The following CTNNA2 variants were observed in gnomAD, a reference collection of about 807,000 sequenced individuals.
CTNNA2 encodes the protein catenin alpha-2.
A neutral mutation model predicts 101.0 loss-of-function variants in CTNNA2; 42 were observed. The ratio of observed to expected loss-of-function variants is 0.42; its 90% CI spans 0.32 to 0.54. The LOEUF is 0.54. Among genes scored for constraint, CTNNA2 ranks in the 20% least tolerant of loss-of-function variants. The pLI, the probability that CTNNA2 is intolerant of heterozygous loss-of-function variation, is 0.14. For missense variants in CTNNA2, 871 were observed against 1,223.1 expected (o/e 0.71, Z 4.29); for synonymous variants, 450 against 456.4 (o/e 0.99, Z 0.18).
chr2:80,371,702 G>T (rs1675458912), intron 7 of CTNNA2, among the ~76,000 whole-genome samples: 1 of 152,098 alleles, frequency 6.6e-6, no homozygotes, highest in Non-Finnish European at 1.5e-5. Context: ...CAGTGAGAAT[G>T]CCACGTGAAA....
At position 79,324,963 on chromosome 2, in the gene CTNNA2, T is replaced by C. The variant is rs1419614992; in HGVS notation, c.-318+12167T>C. On this transcript the variant is annotated intron_variant, in intron 3 of 21. Transcript: ENST00000466387. The stretch of plus-strand genomic sequence containing the variant: ...CAGGTTCGGCAGAGTATGGTATTGC[T>C]GATAAAACGGAGCTACATAAATCCA... Among the ~76,000 whole-genome samples the C allele has an allele frequency of 2.6e-5, 4 of 152,294 alleles. No individual in the cohort carries two copies. In the East Asian group the frequency reaches 7.7e-4, roughly 29 times the overall value.
At chr2:80,578,723 C>T (rs1022588934) in intron 13 of CTNNA2, among the ~76,000 whole-genome samples, 9 of 152,140 alleles carry the variant, frequency 5.9e-5, no homozygotes, top group African/African-American at 2.2e-4. Context: ...TGCCCGCCTC[C>T]ATCACTTGCT....
Position 79,810,510 on chromosome 2 carries a change from CCTTTT to C in CTNNA2, c.299-47487_299-47483del, listed in dbSNP as rs775210947. ...CTTTTGCCATTGAATTGCCTTTTCA[CCTTTT>C]CTTTTCTTTTCTTTTTTTTTTTTTG... On this transcript the variant is annotated intron_variant, in intron 3 of 18. Coordinates refer to ENST00000402739, the MANE Select transcript of CTNNA2 (RefSeq NM_001282597.3). Among the ~76,000 whole-genome samples the C allele has an allele frequency of 4.3e-4, 63 of 148,184 alleles. 1 individual carries two copies. In the South Asian group the frequency reaches 8.3e-3, roughly 19 times the overall value.
chr2:80,482,776 A>G (rs748087800), intron 9 of CTNNA2, among the ~76,000 whole-genome samples: 5 of 152,170 alleles, frequency 3.3e-5, no homozygotes, highest in South Asian at 4.1e-4. Flanking sequence ...ATGCAATCTG[A>G]TATCTGAAAA....
In CTNNA2 at chr2:79,186,909, G is replaced by A. The variant is rs141718725; in HGVS notation, c.-524+1478G>A. Among the ~76,000 whole-genome samples the A allele has an allele frequency of 2.4e-4, 36 of 152,276 alleles. 1 individual carries two copies. In the East Asian group the frequency reaches 6.4e-3, roughly 27 times the overall value. On this transcript the variant is annotated intron_variant, in intron 1 of 21. Transcript: ENST00000466387. Reference sequence around the variant, plus strand: ...AAGGAAGCTACTTTATGGGAACAAAGTTCTAGGCTGAAAATTCAGTAAGTG... The same window carrying A: ...AAGGAAGCTACTTTATGGGAACAAAATTCTAGGCTGAAAATTCAGTAAGTG...
chr2:79,828,967 A>G (rs1678658130), intron 3 of CTNNA2, among the ~76,000 whole-genome samples: 1 of 152,176 alleles, frequency 6.6e-6, no homozygotes, highest in Non-Finnish European at 1.5e-5. Flanking sequence ...AAGAACTGTC[A>G]GAAACCTCAA....
At chr2:79,326,076 C>A (rs1034976306) in intron 3 of CTNNA2, among the ~76,000 whole-genome samples, 1 of 152,104 alleles carries the variant, frequency 6.6e-6, no homozygotes, top group East Asian at 1.9e-4. Context: ...TTGGTTACAT[C>A]AGCATTTATT....
At chr2:80,428,659 C>G (rs540889462) in intron 9 of CTNNA2, among the ~76,000 whole-genome samples, 91 of 152,264 alleles carry the variant, frequency 6.0e-4, no homozygotes, top group Non-Finnish European at 1.1e-3. Flanking sequence ...TCCTAAAACC[C>G]CTACACAAAT....
intron 7 of CTNNA2, among the ~76,000 whole-genome samples, chr2:79,965,181 C>A (rs1329920761): frequency 6.6e-6 from 1 of 152,114 alleles, no homozygotes; most frequent in Non-Finnish European, 1.5e-5. Context: ...TGTAACACAT[C>A]GTGGGAGGGC....
At chr2:79,636,105 CAA>C (rs771737673) in intron 1 of CTNNA2, among the ~76,000 whole-genome samples, 38,301 of 130,948 alleles carry the variant, frequency 0.29, 6,976 homozygotes, top group African/African-American at 0.52. Context: ...ACTAAAAATA[CAA>C]AAAAAAAAAA....
At chr2:80,470,468 C>T (rs1046100083) in intron 9 of CTNNA2, among the ~76,000 whole-genome samples, 7 of 152,114 alleles carry the variant, frequency 4.6e-5, no homozygotes, top group African/African-American at 1.7e-4. Context: ...GATTTTTGTT[C>T]TATGTCCCAA....
At chr2:79,761,082 G>T (rs1255047474) in intron 3 of CTNNA2, among the ~76,000 whole-genome samples, 1 of 152,142 alleles carries the variant, frequency 6.6e-6, no homozygotes, top group African/African-American at 2.4e-5. Flanking sequence ...GGGAAAACAA[G>T]AAACATTTTT....
intron 2 of CTNNA2, among the ~76,000 whole-genome samples, chr2:79,304,615 C>T (rs994464909): frequency 6.6e-6 from 1 of 152,156 alleles, no homozygotes; most frequent in African/African-American, 2.4e-5. Flanking sequence ...GAAAAGATCT[C>T]CCTCAATGGT....
chr2:79,762,013 T>C (rs1252573650), intron 3 of CTNNA2, among the ~76,000 whole-genome samples: 3 of 152,190 alleles, frequency 2.0e-5, no homozygotes, highest in East Asian at 3.9e-4. Flanking sequence ...CCCATTGTAT[T>C]CTGTTTGTTT....
intron 1 of CTNNA2, among the ~76,000 whole-genome samples, chr2:79,526,545 T>C (rs943852217): frequency 7.2e-5 from 11 of 152,016 alleles, no homozygotes; most frequent in African/African-American, 2.7e-4. Context: ...GTGAACAAAG[T>C]TGGAAGACAC....
chr2:80,349,963 C>T (rs728335), intron 7 of CTNNA2, among the ~76,000 whole-genome samples: 59,521 of 151,958 alleles, frequency 0.39, 14,257 homozygotes, highest in African/African-American at 0.68. Flanking sequence ...GATTTTCATA[C>T]AGTCTATATT....
At chr2:79,582,649 G>A (rs1445741268) in intron 1 of CTNNA2, among the ~76,000 whole-genome samples, 1 of 152,034 alleles carries the variant, frequency 6.6e-6, no homozygotes, top group African/African-American at 2.4e-5. Flanking sequence ...ATATATATTT[G>A]TAGCTGTTGG....
chr2:80,590,530 G>C (rs764352380), intron 15 of CTNNA2, among the ~76,000 whole-genome samples: 4 of 151,924 alleles, frequency 2.6e-5, no homozygotes, highest in Non-Finnish European at 2.9e-5. Context: ...GGAATGTCAA[G>C]ACATCATCTG....
intron 7 of CTNNA2, among the ~76,000 whole-genome samples, chr2:79,997,919 A>G (rs1692671336): frequency 6.6e-6 from 1 of 152,202 alleles, no homozygotes. Context: ...AGCCAAAGAG[A>G]TAGTGCTTTC....
Sources: allele counts gnomAD v4.1 joint callset (sites outside exome capture counted in the v4.1 genomes callset), GRCh38; gene constraint gnomAD v4.1.1; transcripts MANE v1.5; gene names NCBI Gene and HGNC (gene_info 2026-07-23, HGNC 2026-07-21).